Variants in KIAA0319 observed in about 807,000 individuals in gnomAD.
KIAA0319 encodes the protein KIAA0319.
A neutral mutation model predicts 108.4 loss-of-function variants in KIAA0319; 83 were observed. That is an observed-to-expected ratio of 0.77 (90% CI 0.64 to 0.92). The LOEUF (loss-of-function observed/expected upper bound fraction) is 0.92. KIAA0319 is among the 40% of genes least tolerant of loss of function. KIAA0319 has a pLI of 0.00. For missense variants in KIAA0319, 1,195 were observed against 1,322.4 expected (o/e 0.90, Z 1.49); for synonymous variants, 484 against 510.4 (o/e 0.95, Z 0.70).
intron 4 of KIAA0319, among the ~76,000 whole-genome samples, chr6:24,587,405 C>T (rs906061979): frequency 2.6e-5 from 4 of 152,116 alleles, no homozygotes; most frequent in Admixed American, 2.6e-4. Context: ...CTCAGCCTCC[C>T]AAGTAGCTGG....
At chr6:24,583,860 G>T (rs541991271) in intron 4 of KIAA0319, among the ~76,000 whole-genome samples, 158 bp from the exon 5 acceptor site, 2 of 152,176 alleles carry the variant, frequency 1.3e-5, no homozygotes, top group East Asian at 3.9e-4. Flanking sequence ...TTTTCCTCTG[G>T]CTAGAAATTG....
rs776346119 is a variant in KIAA0319, at chr6:24,563,461, G to C, written c.2489C>G (p.Thr830Arg). ...LTLQVGVGQL[T>R]EQRKDTLVRQ... The stretch of plus-strand genomic sequence containing the variant: ...CACAAGGGTGTCCTTCCGCTGCTCT[G>C]TCAGCTGCCCAACACCAACCTGCAG... The change falls in exon 16 of 21, where the codon ACA becomes AGA. Residue 830 changes from threonine (T) to arginine (R), a missense_variant. Transcript: ENST00000378214. 2.5e-6 allele frequency: 4 copies of C among 1,613,372 alleles called. No individual in the cohort carries two copies. In the East Asian group the frequency reaches 8.9e-5, roughly 36 times the overall value.
intron 1 of KIAA0319, among the ~76,000 whole-genome samples, chr6:24,639,914 C>A (rs1046566691): frequency 1.3e-5 from 2 of 150,020 alleles, no homozygotes; most frequent in Non-Finnish European, 3.0e-5. Context: ...AACTGGCTAG[C>A]ATGTTGGTAA....
At chr6:24,572,734 A>C in intron 10 of KIAA0319, 36 bp from the exon 11 acceptor site, 1 of 1,568,212 alleles carries the variant, frequency 6.4e-7, no homozygotes, top group Non-Finnish European at 8.6e-7. Context: ...AAAACAAAAC[A>C]AAACAAAAAA....
At chr6:24,580,086 T>C (rs552013489) in intron 7 of KIAA0319, 136 bp from the exon 8 acceptor site, 19 of 616,166 alleles carry the variant, frequency 3.1e-5, no homozygotes, top group Non-Finnish European at 5.0e-5. Context: ...GCCTCAACTA[T>C]GGAGAGCACT....
intron 8 of KIAA0319, among the ~76,000 whole-genome samples, chr6:24,579,429 A>ATATATATATC (rs1766068179): frequency 1.4e-5 from 2 of 141,342 alleles, no homozygotes; most frequent in Non-Finnish European, 3.1e-5. Context: ...ATATATATAT[A>ATATATATATC]TATCTTATAT....
At chr6:24,589,705 G>A (rs1054049721) in intron 3 of KIAA0319, among the ~76,000 whole-genome samples, 2 of 152,204 alleles carry the variant, frequency 1.3e-5, no homozygotes, top group African/African-American at 4.8e-5. Context: ...CCAGTCTTAG[G>A]TATGTCTTTA....
intron 3 of KIAA0319, among the ~76,000 whole-genome samples, chr6:24,593,424 G>A (rs144963869): frequency 0.014 from 1,552 of 112,826 alleles, 29 homozygotes; most frequent in African/African-American, 0.05. Flanking sequence ...ATAGAGTCTC[G>A]CCCTGTCACC....
chr6:24,564,176 G>T (rs370942417), intron 15 of KIAA0319, 26 bp downstream of exon 15: 5 of 1,613,658 alleles, frequency 3.1e-6, no homozygotes, highest in Non-Finnish European at 4.2e-6. Flanking sequence ...AGCCTGCATG[G>T]CCAGCTCCAG....
intron 5 of KIAA0319, chr6:24,583,147 A>G: frequency 1.0e-6 from 1 of 986,828 alleles, no homozygotes; most frequent in East Asian, 1.1e-4. Flanking sequence ...AAGAAAGAGC[A>G]TTTTGAATAA....
downstream of KIAA0319, among the ~76,000 whole-genome samples, chr6:24,543,299 G>A (rs1480112261): frequency 6.6e-6 from 1 of 152,210 alleles, no homozygotes; most frequent in Non-Finnish European, 1.5e-5. Flanking sequence ...AAAGAGCCAC[G>A]AGGAAACTTT....
intron 3 of KIAA0319, among the ~76,000 whole-genome samples, chr6:24,589,874 A>ATAACT (rs10680679): frequency 0.82 from 123,863 of 151,590 alleles, 51,148 homozygotes; most frequent in East Asian, 0.98. Flanking sequence ...TGTATAACCG[A>ATAACT]TAAAGTTACA....
chr6:24,614,222 G>A (rs79162953), intron 1 of KIAA0319, among the ~76,000 whole-genome samples: 2,829 of 152,192 alleles, frequency 0.019, 76 homozygotes, highest in African/African-American at 0.061. Context: ...CAGGACAGAC[G>A]CCTTGGGAGA....
rs751995315 is a variant in KIAA0319, at chr6:24,596,474, C to T, written c.200G>A (p.Cys67Tyr). ...GCCCTCGAACCACCAGGCCAGGTCA[C>T]AGCTGGACAGGTCACAGCAAGCGGC... Reference protein sequence around the residue: ...CTAACCDLSSCDLAWWFEGRC... With the variant: ...CTAACCDLSSYDLAWWFEGRC... The change falls in exon 3 of 21, where the codon TGT becomes TAT. Residue 67 changes from cysteine to tyrosine, a missense_variant. Physicochemically the swap from Cys to Tyr is radical, Grantham distance 194. Transcript: ENST00000378214. The T allele has an allele frequency of 8.1e-6, 13 of 1,614,168 alleles. No individual in the cohort carries two copies. Among genetic ancestry groups the T allele is most frequent in the African/African-American group, 1.3e-5 (1 of 75,062 alleles).
chr6:24,569,945 C>T lies in KIAA0319; in HGVS notation c.1949G>A (p.Ser650Asn). The T allele has an allele frequency of 1.9e-6, 3 of 1,614,138 alleles. No homozygotes were observed. The highest frequency in any genetic ancestry group is 1.7e-6 in the Non-Finnish European group (2 of 1,179,956). The change falls in exon 12 of 21, where the codon AGC becomes AAC. Residue 650 changes from serine to asparagine, a missense_variant. By Grantham distance (46) the Ser-to-Asn change is conservative (BLOSUM62 1). Coordinates refer to ENST00000378214, the MANE Select transcript of KIAA0319 (RefSeq NM_014809.4). ...ESATLDGSSS[S>N]DDHGIVFYHW... ...GTAGAAGACAATGCCGTGGTCATCGCTGCTGCTGCTCCCATCCAGGGTAGC... is the reference window on the plus strand; with the variant it reads ...GTAGAAGACAATGCCGTGGTCATCGTTGCTGCTGCTCCCATCCAGGGTAGC...
chr6:24,568,040 T>A (rs914138014), intron 13 of KIAA0319, among the ~76,000 whole-genome samples: 1 of 152,182 alleles, frequency 6.6e-6, no homozygotes, highest in African/African-American at 2.4e-5. Flanking sequence ...TGCTTCAGCC[T>A]CTCCCAGCTG....
intron 1 of KIAA0319, among the ~76,000 whole-genome samples, chr6:24,642,692 A>G (rs1777121376): frequency 1.3e-5 from 2 of 151,662 alleles, no homozygotes; most frequent in South Asian, 4.2e-4. Context: ...TGCTTAAATT[A>G]AATAGATGCT....
chr6:24,634,438 A>G (rs1438582228), intron 1 of KIAA0319, among the ~76,000 whole-genome samples: 1 of 152,258 alleles, frequency 6.6e-6, no homozygotes, highest in African/African-American at 2.4e-5. Context: ...TTCCAGATCT[A>G]TCAAAACCAG....
At chr6:24,565,661 G>A (rs893596801) in intron 14 of KIAA0319, among the ~76,000 whole-genome samples, 10 of 148,248 alleles carry the variant, frequency 6.7e-5, no homozygotes, top group African/African-American at 2.3e-4. Context: ...GCTGAGGCAG[G>A]AGAATAGCTC....
Sources: allele counts gnomAD v4.1 joint callset (sites outside exome capture counted in the v4.1 genomes callset), GRCh38; gene constraint gnomAD v4.1.1; transcripts MANE v1.5; gene names NCBI Gene and HGNC (gene_info 2026-07-23, HGNC 2026-07-21).